The following NCOA1 variants were observed in gnomAD, a reference collection of about 807,000 sequenced individuals.
The protein encoded by NCOA1 is Hin-2 protein.
In NCOA1, 35 loss-of-function variants were observed where a neutral mutation model predicts 150.9. The observed-to-expected ratio is 0.23, with a 90% confidence interval of 0.18 to 0.31. The LOEUF (loss-of-function observed/expected upper bound fraction) is 0.31. Among genes scored for constraint, NCOA1 ranks in the 10% least tolerant of loss-of-function variants. The pLI is 1.00. For synonymous variants in NCOA1, 590 were observed against 630.0 expected (o/e 0.94, Z 0.95); for missense variants, 1,491 against 1,749.3 (o/e 0.85, Z 2.63).
At chr2:24,733,107 A>G (rs545446788) in intron 17 of NCOA1, among the ~76,000 whole-genome samples, 34 of 152,310 alleles carry the variant, frequency 2.2e-4, no homozygotes, top group African/African-American at 8.2e-4. Context: ...TGTCTTCAAG[A>G]AAGAAGGGGA....
chr2:24,492,233 G>T (rs1040853491), intron 1 of NCOA1: 1 of 152,228 alleles, frequency 6.6e-6, no homozygotes, highest in Non-Finnish European at 1.5e-5. Context: ...CGCGGCCCGG[G>T]TTTGGTCCCC....
At chr2:24,592,145 A>T (rs1667682643) in intron 3 of NCOA1, among the ~76,000 whole-genome samples, 1 of 152,200 alleles carries the variant, frequency 6.6e-6, no homozygotes, top group African/African-American at 2.4e-5. Flanking sequence ...GTTTGAAAAG[A>T]CGAGCATTTG....
intron 1 of NCOA1, among the ~76,000 whole-genome samples, chr2:24,515,430 C>T (rs1443923798): frequency 2.0e-5 from 3 of 152,006 alleles, no homozygotes; most frequent in African/African-American, 7.3e-5. Context: ...GAGATGGGTT[C>T]TCACTATGTT....
At chr2:24,626,314 A>G (rs1669406954) in intron 3 of NCOA1, among the ~76,000 whole-genome samples, 1 of 152,186 alleles carries the variant, frequency 6.6e-6, no homozygotes, top group Non-Finnish European at 1.5e-5. Context: ...GTTCAGCAGG[A>G]TATACTGCAT....
At chr2:24,622,107 G>A (rs56327616) in intron 3 of NCOA1, among the ~76,000 whole-genome samples, 1 of 152,198 alleles carries the variant, frequency 6.6e-6, no homozygotes, top group African/African-American at 2.4e-5. Context: ...CCATACAGCA[G>A]TTTGGTTTAA....
At chr2:24,723,079 G>A (rs185497209) in intron 14 of NCOA1, among the ~76,000 whole-genome samples, 40 of 151,244 alleles carry the variant, frequency 2.6e-4, no homozygotes, top group Admixed American at 1.4e-3. Flanking sequence ...AGATATTCAC[G>A]GTTCAACATT....
chr2:24,517,002 G>GCACACACACACA (rs796783517), intron 1 of NCOA1, among the ~76,000 whole-genome samples: 1 of 25,780 alleles, frequency 3.9e-5, no homozygotes, highest in East Asian at 7.6e-4. Context: ...ATACACACGC[G>GCACACACACACA]CGCACACACA....
intron 1 of NCOA1, among the ~76,000 whole-genome samples, chr2:24,519,102 G>A (rs1229363905): frequency 1.3e-5 from 2 of 152,182 alleles, no homozygotes; most frequent in African/African-American, 4.8e-5. Context: ...TCACAATAGG[G>A]TGGTATGGGT....
At chr2:24,735,855 G>A (rs1467052218) in intron 17 of NCOA1, among the ~76,000 whole-genome samples, 1 of 152,160 alleles carries the variant, frequency 6.6e-6, no homozygotes, top group African/African-American at 2.4e-5. Context: ...CGTAATATCA[G>A]TAAAGGACTT....
At chr2:24,628,193 GGGACGCT>G (rs1262746958) in intron 3 of NCOA1, among the ~76,000 whole-genome samples, 1 of 151,982 alleles carries the variant, frequency 6.6e-6, no homozygotes, top group Non-Finnish European at 1.5e-5. Flanking sequence ...CCAGCTACTT[GGGACGCT>G]GAGGCAGGAG....
At chr2:24,719,383 T>A (rs1349070211) in intron 14 of NCOA1, among the ~76,000 whole-genome samples, 1 of 152,186 alleles carries the variant, frequency 6.6e-6, no homozygotes, top group East Asian at 1.9e-4. Context: ...TTTATACCTT[T>A]CTCAAAATTT....
intron 1 of NCOA1, among the ~76,000 whole-genome samples, chr2:24,526,728 T>A (rs80140483): frequency 0.19 from 28,383 of 151,698 alleles, 2,833 homozygotes; most frequent in Non-Finnish European, 0.23. Flanking sequence ...AAAAAAAAAT[T>A]AATAAATTCT....
chr2:24,614,241 T>G (rs1668774383), intron 3 of NCOA1, among the ~76,000 whole-genome samples: 1 of 136,400 alleles, frequency 7.3e-6, no homozygotes, highest in African/African-American at 2.9e-5. Flanking sequence ...TGCTATGGGG[T>G]TTCATTCTGT....
At chr2:24,755,880 G>A (rs1664472912) in intron 20 of NCOA1, among the ~76,000 whole-genome samples, 1 of 152,100 alleles carries the variant, frequency 6.6e-6, no homozygotes, top group Admixed American at 6.5e-5. Flanking sequence ...CTCCGCAGTG[G>A]TGACTTATGT....
At chr2:24,725,409 T>C (rs952131568) in intron 14 of NCOA1, among the ~76,000 whole-genome samples, 2 of 152,162 alleles carry the variant, frequency 1.3e-5, no homozygotes, top group African/African-American at 4.8e-5. Context: ...TGGGTCAGGT[T>C]ATCCCTCTGT....
At position 24,752,160 on chromosome 2, in the gene NCOA1, AGG is replaced by A. The variant is rs1558340097; in HGVS notation, c.3881+8_3881+9del. 10 of 1,613,430 alleles carry A rather than the reference AGG, an allele frequency of 6.2e-6. No homozygotes were observed. The highest frequency in any genetic ancestry group is 8.5e-6 in the Non-Finnish European group (10 of 1,179,584). The stretch of plus-strand genomic sequence containing the variant: ...AAGGAGCGATAGGAAACAACAAGTA[AGG>A]GGGCAGTTTTTATATATGAGCATCC... On this transcript the variant is annotated splice_donor_5th_base_variant and intron_variant, in intron 20 of 22. Coordinates refer to ENST00000348332, the MANE Select transcript of NCOA1 (RefSeq NM_003743.5).
chr2:24,644,893 C>T (rs910082508), intron 4 of NCOA1, among the ~76,000 whole-genome samples: 15 of 152,020 alleles, frequency 9.9e-5, no homozygotes, highest in Admixed American at 9.8e-4. Flanking sequence ...AGAACAATAC[C>T]ACCACCCCAG....
chr2:24,617,445 A>G (rs1572497012), intron 3 of NCOA1, among the ~76,000 whole-genome samples: 2 of 152,176 alleles, frequency 1.3e-5, no homozygotes, highest in South Asian at 2.1e-4. Flanking sequence ...GAAATATTGC[A>G]GTGCTTCCAT....
At chr2:24,542,563 G>A (rs1235760983) in intron 1 of NCOA1, among the ~76,000 whole-genome samples, 2 of 152,176 alleles carry the variant, frequency 1.3e-5, no homozygotes, top group Non-Finnish European at 2.9e-5. Flanking sequence ...TACTGTCACT[G>A]TTTTTGATTG....
Sources: allele counts gnomAD v4.1 joint callset (sites outside exome capture counted in the v4.1 genomes callset), GRCh38; gene constraint gnomAD v4.1.1; transcripts MANE v1.5; gene names NCBI Gene and HGNC (gene_info 2026-07-23, HGNC 2026-07-21).